TRIM69: variants seen among roughly 807,000 people sequenced by gnomAD.
TRIM69 encodes tripartite motif containing 69.
In TRIM69, 29 loss-of-function variants were observed where a neutral mutation model predicts 37.7. The ratio of observed to expected loss-of-function variants is 0.77; its 90% CI spans 0.57 to 1.05. The LOEUF (loss-of-function observed/expected upper bound fraction) is 1.05, where lower values mean the gene tolerates loss of function less well. Ranked by LOEUF, TRIM69 falls within the 50% of genes least tolerant of loss-of-function variation. The pLI, the probability that TRIM69 is intolerant of heterozygous loss-of-function variation, is 0.00. For synonymous variants in TRIM69, 209 were observed against 212.4 expected, an observed-to-expected ratio of 0.98 and a Z score of 0.14; for missense variants, 596 against 579.9, an observed-to-expected ratio of 1.03 and a Z score of -0.28.
chr15:44,751,926 T>A (rs1033436533), intron 1 of TRIM69, among the ~76,000 whole-genome samples: 2 of 150,842 alleles, frequency 1.3e-5, no homozygotes, highest in Non-Finnish European at 3.0e-5. Context: ...TTTTTCTTTT[T>A]GTATTTTTGG....
rs78726540 is a variant in TRIM69, at chr15:44,759,169, C to T, written c.813+315C>T. On this transcript the variant is annotated intron_variant, in intron 4 of 6. Transcript: ENST00000329464. ...TTTCTCAAAAATAAAAATGTTGCAG[C>T]CTGAGTTGTATCTTTGGCTCTCAGC... Among the ~76,000 whole-genome samples, 1,049 of 152,246 alleles carry T rather than the reference C, an allele frequency of 6.9e-3. 3 individuals carry two copies. Among genetic ancestry groups the T allele is most frequent in the Non-Finnish European group, 0.012 (798 of 68,016 alleles).
Position 44,767,655 on chromosome 15 carries a change from GACTC to G in TRIM69, c.1389_1392del (p.His464PhefsTer40). On this transcript the variant is annotated frameshift_variant, in exon 7 of 7. Coordinates refer to ENST00000329464, the MANE Select transcript of TRIM69 (RefSeq NM_182985.5). LOFTEE classifies it high-confidence loss of function. ...TGTCCTTCTACAATGCTAAAACCAT[GACTC>G]ACATTTACACCTTCAGTAACACTTT... The G allele has an allele frequency of 6.2e-7, 1 of 1,614,140 alleles. No homozygotes were observed. Among genetic ancestry groups the G allele is most frequent in the Non-Finnish European group, 8.5e-7 (1 of 1,180,030 alleles).
intron 1 of TRIM69, among the ~76,000 whole-genome samples, chr15:44,740,692 A>G (rs1246923724): frequency 2.0e-5 from 3 of 151,628 alleles, no homozygotes; most frequent in Admixed American, 6.5e-5. Flanking sequence ...CAGACTTTAA[A>G]CCAACAAAGA....
At chr15:44,745,742 A>T (rs2087392718) in intron 1 of TRIM69, among the ~76,000 whole-genome samples, 1 of 152,224 alleles carries the variant, frequency 6.6e-6, no homozygotes, top group Admixed American at 6.5e-5. Flanking sequence ...TATGGTGTTG[A>T]AAAGCATAAT....
At chr15:44,766,423 G>T (rs985952065) in intron 6 of TRIM69, among the ~76,000 whole-genome samples, 1 of 152,100 alleles carries the variant, frequency 6.6e-6, no homozygotes, top group African/African-American at 2.4e-5. Context: ...GTACCAGTTA[G>T]TTCAGTCTTG....
In TRIM69 at chr15:44,759,745, C is replaced by A; in HGVS notation, c.837-3C>A. The A allele has an allele frequency of 6.2e-7, 1 of 1,614,158 alleles. No individual in the cohort carries two copies. Among genetic ancestry groups the A allele is most frequent in the Non-Finnish European group, 8.5e-7 (1 of 1,180,028 alleles). ...AAGGATAAATGATTTATGTGCCCTG[C>A]AGCTTGGAGCAAGGAATGAAGGTGC... is the stretch of plus-strand genomic sequence containing the variant. On this transcript the variant is annotated splice_polypyrimidine_tract_variant and splice_region_variant and intron_variant, in intron 5 of 6. Transcript: ENST00000329464.
At chr15:44,743,529 T>C (rs1028224543) in intron 1 of TRIM69, among the ~76,000 whole-genome samples, 9 of 151,868 alleles carry the variant, frequency 5.9e-5, no homozygotes, top group South Asian at 2.1e-4. Context: ...GAACAGGCAA[T>C]CTACAAAATG....
rs1438584790 is a variant in TRIM69 at position 44,767,171 on chromosome 15, TG to T, written c.962-57del. 2.8e-6 allele frequency: 4 copies of T among 1,404,268 alleles called. No individual in the cohort carries two copies. The African/African-American group carries it at 5.8e-5, about 20-fold the overall frequency. 87.0% of individuals were successfully genotyped at this position (1,404,268 alleles called of 1,614,324 possible). A position where few individuals can be genotyped will look rare whatever the true frequency, so the allele number is the denominator to read the frequency against. ...GAATATGAAATACTATCTTTTACTGTGGGAATTTGTGTTTACCCCCCTTTCT... is the reference window on the plus strand; with the variant it reads ...GAATATGAAATACTATCTTTTACTGTGGAATTTGTGTTTACCCCCCTTTCT... On this transcript the variant is annotated intron_variant, in intron 6 of 6. Transcript: ENST00000329464.
rs1394910231 is a variant in TRIM69 at position 44,754,903 on chromosome 15, T to A, written c.10T>A (p.Ser4Thr). The change falls in exon 2 of 7, where the codon TCC (serine) becomes ACC (threonine). Residue 4 changes from serine to threonine, a missense_variant. Physicochemically the swap from Ser to Thr is moderately conservative, Grantham distance 58. Transcript: ENST00000329464. ...TTTTAGCTGTTCTTTTCTAAAGGTA[T>A]CCACCAACCCCTCCTCCAACATCGA... MEV[S>T]TNPSSNIDPG... 3 of 1,606,744 alleles carry A rather than the reference T, an allele frequency of 1.9e-6. No homozygotes were observed. The highest frequency in any genetic ancestry group is 2.6e-6 in the Non-Finnish European group (3 of 1,174,620).
At position 44,740,097 on chromosome 15, in the gene TRIM69, C is replaced by T. The variant is rs542505149; in HGVS notation, c.6+3387C>T. Among the ~76,000 whole-genome samples, 38 of 152,328 alleles carry T rather than the reference C, an allele frequency of 2.5e-4. No homozygotes were observed. In the East Asian group the frequency reaches 4.0e-3, roughly 16 times the overall value. On this transcript the variant is annotated intron_variant, in intron 1 of 6. Transcript: ENST00000329464. ...CGAAAATCCACTGTTCTGCAGCCAC[C>T]GCTGCTGATACCCAGGCAAACAGGG... is the stretch of plus-strand genomic sequence containing the variant.
intron 1 of TRIM69, among the ~76,000 whole-genome samples, chr15:44,744,465 A>C (rs2087360608): frequency 6.6e-6 from 1 of 152,006 alleles, no homozygotes; most frequent in Non-Finnish European, 1.5e-5. Context: ...ATAATAATAA[A>C]AAAAATGGTG....
chr15:44,743,186 G>C (rs2087329909), intron 1 of TRIM69, among the ~76,000 whole-genome samples: 2 of 151,826 alleles, frequency 1.3e-5, no homozygotes, highest in Non-Finnish European at 1.5e-5. Context: ...CTAACCTTTG[G>C]AAACCTGAGA....
chr15:44,766,410 T>TAA (rs1278279138), intron 6 of TRIM69, among the ~76,000 whole-genome samples: 6 of 152,202 alleles, frequency 3.9e-5, no homozygotes, highest in Non-Finnish European at 8.8e-5. Context: ...TCCTCTAAAC[T>TAA]CTGTACCAGT....
rs767103515 is a variant in TRIM69, at chr15:44,767,761, C to A, written c.1492C>A (p.His498Asn). 3 of 1,610,932 alleles carry A rather than the reference C, an allele frequency of 1.9e-6. No homozygotes were observed. In the Admixed American group the frequency reaches 5.0e-5, roughly 27 times the overall value. ...GAATAAAGAACCATTGCACATCTTA[C>A]ATCCACAGTAATGAGTCATAATATT... Reference protein sequence around the residue: ...GENKEPLHILHPQ With the variant: ...GENKEPLHILNPQ Residue 498 changes from histidine (H) to asparagine (N), a missense_variant, in exon 7 of 7, where the codon CAT (histidine) becomes AAT (asparagine). Transcript: ENST00000329464.
intron 1 of TRIM69, among the ~76,000 whole-genome samples, chr15:44,752,306 ATATGTT>A (rs1255322982): frequency 3.9e-5 from 6 of 151,942 alleles, no homozygotes; most frequent in African/African-American, 1.5e-4. Flanking sequence ...TTGGGTGTGT[ATATGTT>A]TATAATTGTT....
chr15:44,743,465 C>G (rs144252617), intron 1 of TRIM69, among the ~76,000 whole-genome samples: 3,905 of 152,046 alleles, frequency 0.026, 156 homozygotes, highest in African/African-American at 0.089. Flanking sequence ...TTGACAAATG[C>G]GATCTAATTA....
intron 3 of TRIM69, 87 bp from the exon 4 acceptor site, chr15:44,758,534 C>T: frequency 1.3e-6 from 2 of 1,543,194 alleles, no homozygotes; most frequent in Non-Finnish European, 1.8e-6. Context: ...TGGTATTTAC[C>T]AAGTGTGTGA....
chr15:44,739,480 G>C (rs1457325034), intron 1 of TRIM69, among the ~76,000 whole-genome samples: 2 of 152,236 alleles, frequency 1.3e-5, no homozygotes, highest in African/African-American at 4.8e-5. Context: ...CCTAGTCAAA[G>C]AAAGGGGTGA....
chr15:44,750,715 CTTTTTTTTTTTTTTTT>C lies in TRIM69; in HGVS notation c.7-4173_7-4158del, dbSNP rs869059418. Among the ~76,000 whole-genome samples the C allele has an allele frequency of 6.8e-5, 7 of 102,838 alleles. 1 individual carries two copies. Among genetic ancestry groups the C allele is most frequent in the South Asian group, 6.2e-4 (2 of 3,214 alleles). The allele number at this position is 102,838 out of a possible 152,430, so 67.5% of individuals were successfully genotyped here. A position where few individuals can be genotyped will look rare whatever the true frequency, so the allele number is the denominator to read the frequency against. On this transcript the variant is annotated intron_variant, in intron 1 of 6. Transcript: ENST00000329464. ...TCGCATTTTTATTTCATTACTTTTTCTTTTTTTTTTTTTTTTTTTTTTTTTTTGAGACGGAGTCTCA... is the reference window on the plus strand; with the variant it reads ...TCGCATTTTTATTTCATTACTTTTTCTTTTTTTTTTTGAGACGGAGTCTCA...
Sources: gnomAD v4.1 joint callset for allele counts (sites outside exome capture counted in the v4.1 genomes callset) on GRCh38, gnomAD v4.1.1 for gene constraint, MANE v1.5 for transcripts, NCBI Gene and HGNC (gene_info 2026-07-23, HGNC 2026-07-21) for gene names.